VEGFC: variants seen among roughly 807,000 people sequenced by gnomAD.
VEGFC encodes the protein FLT4 ligand DHM.
A neutral mutation model predicts 46.1 loss-of-function variants in VEGFC; 12 were observed. The ratio of observed to expected loss-of-function variants is 0.26; its 90% CI spans 0.17 to 0.42. The LOEUF is 0.42. Among genes scored for constraint, VEGFC ranks in the 10% least tolerant of loss-of-function variants. The pLI is 1.00. For missense variants in VEGFC, 488 were observed against 529.4 expected (o/e 0.92, Z 0.77); for synonymous variants, 232 against 195.5 (o/e 1.19, Z -1.56).
chr4:176,736,920 CATTTTA>C (rs1735064314), intron 1 of VEGFC, among the ~76,000 whole-genome samples: 1 of 151,274 alleles, frequency 6.6e-6, no homozygotes, highest in Non-Finnish European at 1.5e-5. Context: ...AAGCATAAGT[CATTTTA>C]ATTTTAAGGA....
chr4:176,749,810 T>G (rs10000679), intron 1 of VEGFC, among the ~76,000 whole-genome samples: 15,561 of 151,672 alleles, frequency 0.1, 1,848 homozygotes, highest in African/African-American at 0.28. Flanking sequence ...CTTACATGAT[T>G]TTTTTCTTTG....
intron 1 of VEGFC, among the ~76,000 whole-genome samples, chr4:176,740,215 A>T (rs1385235242): frequency 8.1e-6 from 1 of 123,642 alleles, no homozygotes; most frequent in Non-Finnish European, 1.6e-5. Flanking sequence ...ATATATATCT[A>T]TATATAGAAT....
chr4:176,754,463 T>C (rs2110899767), intron 1 of VEGFC, among the ~76,000 whole-genome samples: 1 of 152,166 alleles, frequency 6.6e-6, no homozygotes, highest in South Asian at 2.1e-4. Context: ...TTTCTTCCCT[T>C]TTCTAGCTTC....
At chr4:176,757,732 C>A (rs970952566) in intron 1 of VEGFC, among the ~76,000 whole-genome samples, 7 of 151,860 alleles carry the variant, frequency 4.6e-5, no homozygotes, top group Non-Finnish European at 7.4e-5. Flanking sequence ...TTTTCAGGTT[C>A]CAATTCTTTC....
intron 1 of VEGFC, among the ~76,000 whole-genome samples, chr4:176,791,121 T>A (rs535771639): frequency 1.3e-5 from 2 of 152,338 alleles, no homozygotes; most frequent in East Asian, 3.9e-4. Context: ...TTTCTACACA[T>A]TGTGTATGTG....
chr4:176,687,927 C>T lies in VEGFC; in HGVS notation c.705G>A (p.Gln235=). The part of the protein sequence containing the change: ...IRRSLPATLP[Q]CQAANKTCPT... ...GGCAGGTCTTGTTCGCTGCCTGACACCTTTGGAAGAAACAGACGAGGTTTA... is the reference window on the plus strand; with the variant it reads ...GGCAGGTCTTGTTCGCTGCCTGACATCTTTGGAAGAAACAGACGAGGTTTA... The change falls in exon 5 of 7, where the codon CAG becomes CAA. Residue 235 remains glutamine (Q), a splice_region_variant and synonymous_variant. Transcript: ENST00000618562. The T allele has an allele frequency of 6.2e-7, 1 of 1,603,136 alleles. No individual in the cohort carries two copies. The highest frequency in any genetic ancestry group is 8.5e-7 in the Non-Finnish European group (1 of 1,172,192).
intron 4 of VEGFC, among the ~76,000 whole-genome samples, chr4:176,704,796 A>G (rs971217153): frequency 1.3e-5 from 2 of 152,168 alleles, no homozygotes; most frequent in Admixed American, 6.5e-5. Flanking sequence ...TTGGCTGGGC[A>G]TATGTGATTC....
chr4:176,763,131 T>C lies in VEGFC; in HGVS notation c.147+29034A>G, dbSNP rs2110913919. Among the ~76,000 whole-genome samples the C allele has an allele frequency of 2.0e-5, 3 of 152,334 alleles. No individual in the cohort carries two copies. In the Middle Eastern group the frequency reaches 0.01, roughly 518 times the overall value. The stretch of plus-strand genomic sequence containing the variant: ...GGTTCGAGCAGACTTAAGCCAAAAA[T>C]ACCTTTGAAAGTGGTCTCTATTTAT... On this transcript the variant is annotated intron_variant, in intron 1 of 6. Transcript: ENST00000618562.
intron 4 of VEGFC, among the ~76,000 whole-genome samples, chr4:176,698,158 T>C (rs947573830): frequency 1.3e-5 from 2 of 150,514 alleles, no homozygotes; most frequent in East Asian, 1.9e-4. Flanking sequence ...ATAATAATAA[T>C]AATAATAATT....
rs1447633582 is a variant in VEGFC, at chr4:176,727,894, C to T, written c.436G>A (p.Val146Ile). 1 of 1,613,720 alleles carries T rather than the reference C, an allele frequency of 6.2e-7. No homozygotes were observed. The highest frequency in any genetic ancestry group is 1.3e-5 in the African/African-American group (1 of 74,848). ...VCIDVGKEFG[V>I]ATNTFFKPPC... Reference sequence around the variant, plus strand: ...GGTTTAAAGAAGGTGTTTGTCGCGACTCCAAACTCCTTCCCCACATCTATA... The same window carrying T: ...GGTTTAAAGAAGGTGTTTGTCGCGATTCCAAACTCCTTCCCCACATCTATA... The change falls in exon 3 of 7, where the codon GTC becomes ATC. Residue 146 changes from valine to isoleucine, a missense_variant. Val to Ile is a conservative substitution (Grantham distance 29, BLOSUM62 3). Coordinates refer to ENST00000618562, the MANE Select transcript of VEGFC (RefSeq NM_005429.5).
At position 176,684,023 on chromosome 4, in the gene VEGFC, C is replaced by T. The variant is rs2110958371; in HGVS notation, c.1163G>A (p.Cys388Tyr). 6.2e-7 allele frequency: 1 copy of T among 1,614,158 alleles called. No individual in the cohort carries two copies. Among genetic ancestry groups the T allele is most frequent in the East Asian group, 2.2e-5 (1 of 44,878 alleles). Residue 388 changes from cysteine to tyrosine, a missense_variant, in exon 7 of 7, where the codon TGT (cysteine) becomes TAT (tyrosine). By Grantham distance (194) the Cys-to-Tyr change is radical. Transcript: ENST00000618562. ...HQTCSCYRRP[C>Y]TNRQKACEPG... ...CTCACAAGCCTTCTGGCGGTTCGTA[C>T]ATGGCCGTCTGTAACAGCTAGGAGA...
rs17063664 is a variant in VEGFC at position 176,731,655 on chromosome 4, T to C, written c.148-1909A>G. 4.1e-4 allele frequency among the ~76,000 whole-genome samples: 62 copies of C among 152,016 alleles called. No homozygotes were observed. The East Asian group carries it at 0.011, about 28-fold the overall frequency. ...ACTCTCCACTACAAGTCAGCTGTGA[T>C]TCAAGACAGGTTGTGACCTAAACTG... On this transcript the variant is annotated intron_variant, in intron 1 of 6. Coordinates refer to ENST00000618562, the MANE Select transcript of VEGFC (RefSeq NM_005429.5).
chr4:176,749,476 T>C (rs1560954771), intron 1 of VEGFC, among the ~76,000 whole-genome samples: 2 of 151,972 alleles, frequency 1.3e-5, no homozygotes, highest in East Asian at 1.9e-4. Context: ...ATGTGTACTT[T>C]ATTTACCCAT....
Position 176,754,349 on chromosome 4 carries a change from A to AT in VEGFC, c.148-24604dup, listed in dbSNP as rs200226831. 2.7e-3 allele frequency among the ~76,000 whole-genome samples: 412 copies of AT among 150,736 alleles called. 1 individual carries two copies. Among genetic ancestry groups the AT allele is most frequent in the Middle Eastern group, 0.014 (4 of 292 alleles). The stretch of plus-strand genomic sequence containing the variant: ...TAGTTGCTTAAAACATTAGAAATGC[A>AT]TTTTTTTTTACAGCTTTGCAGGTGA... On this transcript the variant is annotated intron_variant, in intron 1 of 6. Transcript: ENST00000618562.
At chr4:176,688,541 CA>C (rs933643173) in intron 4 of VEGFC, among the ~76,000 whole-genome samples, 1 of 152,082 alleles carries the variant, frequency 6.6e-6, no homozygotes, top group African/African-American at 2.4e-5. Flanking sequence ...AAAAAGTTAT[CA>C]AAGATATTTT....
intron 4 of VEGFC, among the ~76,000 whole-genome samples, chr4:176,691,484 G>A (rs3775197): frequency 0.23 from 35,162 of 151,850 alleles, 6,696 homozygotes; most frequent in African/African-American, 0.53. Context: ...ACACACACAG[G>A]CACAACCACA....
chr4:176,770,740 A>G, intron 1 of VEGFC, among the ~76,000 whole-genome samples: 1 of 152,232 alleles, frequency 6.6e-6, no homozygotes, highest in African/African-American at 2.4e-5. Context: ...GAAGATTAGG[A>G]CACAGAGTTC....
chr4:176,693,689 G>C (rs1734253251), intron 4 of VEGFC, among the ~76,000 whole-genome samples: 1 of 145,434 alleles, frequency 6.9e-6, no homozygotes, highest in South Asian at 2.1e-4. Flanking sequence ...ATTCACCAAA[G>C]TTGAAATGAA....
intron 1 of VEGFC, among the ~76,000 whole-genome samples, chr4:176,778,124 T>C (rs1056698114): frequency 6.6e-6 from 1 of 151,940 alleles, no homozygotes; most frequent in Non-Finnish European, 1.5e-5. Context: ...TGAATTTTTT[T>C]CCCCACAATT....
Sources: allele counts gnomAD v4.1 joint callset (sites outside exome capture counted in the v4.1 genomes callset), GRCh38; gene constraint gnomAD v4.1.1; transcripts MANE v1.5; gene names NCBI Gene and HGNC (gene_info 2026-07-23, HGNC 2026-07-21).